Variants in SORCS2 observed in about 807,000 individuals in gnomAD.
The protein encoded by SORCS2 is VPS10 domain-containing receptor SorCS2.
A neutral mutation model predicts 141.6 loss-of-function variants in SORCS2; 100 were observed. The observed-to-expected ratio is 0.71, with a 90% CI of 0.60 to 0.83. SORCS2 has a LOEUF of 0.83. SORCS2 is among the 40% of genes least tolerant of loss of function. SORCS2 has a pLI of 0.00. For synonymous variants in SORCS2, 789 were observed against 676.9 expected (o/e 1.17, Z -2.57); for missense variants, 1,646 against 1,560.2 (o/e 1.05, Z -0.93).
At chr4:7,427,548 C>T (rs1469023720) in intron 2 of SORCS2, among the ~76,000 whole-genome samples, 1 of 152,196 alleles carries the variant, frequency 6.6e-6, no homozygotes, top group Non-Finnish European at 1.5e-5. Flanking sequence ...CCTTTGGCAG[C>T]TGACCATCTG....
intron 26 of SORCS2, among the ~76,000 whole-genome samples, chr4:7,739,924 G>T (rs1017478074): frequency 6.6e-6 from 1 of 152,166 alleles, no homozygotes; most frequent in Non-Finnish European, 1.5e-5. Context: ...CGATCCCCAC[G>T]CAGGTCAGTG....
At chr4:7,320,814 A>C (rs1169635510) in intron 1 of SORCS2, among the ~76,000 whole-genome samples, 4 of 152,262 alleles carry the variant, frequency 2.6e-5, no homozygotes, top group Middle Eastern at 3.4e-3. Flanking sequence ...ACACTCGCTC[A>C]GTTCATGCAT....
At chr4:7,243,533 G>A (rs1346788071) in intron 1 of SORCS2, among the ~76,000 whole-genome samples, 1 of 152,180 alleles carries the variant, frequency 6.6e-6, no homozygotes, top group Non-Finnish European at 1.5e-5. Context: ...TCTCCCGGCA[G>A]AGCCACACGG....
At chr4:7,595,850 C>T (rs1416487144) in intron 3 of SORCS2, among the ~76,000 whole-genome samples, 2 of 152,168 alleles carry the variant, frequency 1.3e-5, no homozygotes, top group African/African-American at 4.8e-5. Context: ...GGCACCGTCA[C>T]CTGAATATTC....
chr4:7,537,700 G>T (rs531925225), intron 3 of SORCS2, among the ~76,000 whole-genome samples: 1 of 152,168 alleles, frequency 6.6e-6, no homozygotes, highest in Non-Finnish European at 1.5e-5. Flanking sequence ...TCTGCTGCAA[G>T]TTTATAGAAA....
At chr4:7,306,156 G>A (rs898185971) in intron 1 of SORCS2, among the ~76,000 whole-genome samples, 4 of 152,214 alleles carry the variant, frequency 2.6e-5, no homozygotes, top group Non-Finnish European at 1.5e-5. Flanking sequence ...TCCCCAGACA[G>A]CTGCATGTGG....
chr4:7,689,201 T>G (rs1026221024), intron 10 of SORCS2, among the ~76,000 whole-genome samples: 1 of 152,016 alleles, frequency 6.6e-6, no homozygotes, highest in Non-Finnish European at 1.5e-5. Flanking sequence ...GAGTCCCTAA[T>G]CTAGATTAGG....
intron 2 of SORCS2, among the ~76,000 whole-genome samples, chr4:7,417,530 G>C (rs1196795073): frequency 6.6e-6 from 1 of 152,194 alleles, no homozygotes; most frequent in Non-Finnish European, 1.5e-5. Context: ...TGCCATTTAT[G>C]AGTGACCTTG....
At chr4:7,513,712 A>G (rs988960533) in intron 2 of SORCS2, among the ~76,000 whole-genome samples, 1 of 152,122 alleles carries the variant, frequency 6.6e-6, no homozygotes, top group Admixed American at 6.5e-5. Context: ...GGCTGGAACA[A>G]TCAATTCTGC....
At chr4:7,489,676 A>C (rs1190414834) in intron 2 of SORCS2, among the ~76,000 whole-genome samples, 3 of 152,064 alleles carry the variant, frequency 2.0e-5, no homozygotes, top group African/African-American at 7.2e-5. Flanking sequence ...AATGCATGTA[A>C]TTTGTGAATC....
At chr4:7,496,690 T>A (rs1425178193) in intron 2 of SORCS2, among the ~76,000 whole-genome samples, 1 of 152,064 alleles carries the variant, frequency 6.6e-6, no homozygotes, top group Admixed American at 6.5e-5. Context: ...TCATTATTCA[T>A]GGGCCACATC....
chr4:7,393,191 A>T (rs1027397769), intron 1 of SORCS2, among the ~76,000 whole-genome samples: 1 of 152,020 alleles, frequency 6.6e-6, no homozygotes, highest in Non-Finnish European at 1.5e-5. Context: ...TTGCTTGGAC[A>T]TTCCTGGCCG....
intron 1 of SORCS2, among the ~76,000 whole-genome samples, chr4:7,294,218 G>A (rs1716800574): frequency 6.6e-6 from 1 of 152,204 alleles, no homozygotes; most frequent in Admixed American, 6.5e-5. Flanking sequence ...GGCAGTGCCG[G>A]GGCGTAGGGG....
rs146277843 is a variant in SORCS2 at position 7,338,903 on chromosome 4, G to A, written c.481-57385G>A. 3.5e-3 allele frequency among the ~76,000 whole-genome samples: 539 copies of A among 152,260 alleles called. 2 individuals are homozygous for A. Among genetic ancestry groups the A allele is most frequent in the African/African-American group, 0.012 (517 of 41,538 alleles). Reference sequence around the variant, plus strand: ...GCAGTACTGTGGAAGGCACGTGGTCGTGCTGGGGCCGTGAAGCCATACCCG... The same window carrying A: ...GCAGTACTGTGGAAGGCACGTGGTCATGCTGGGGCCGTGAAGCCATACCCG... On this transcript the variant is annotated intron_variant, in intron 1 of 26. Transcript: ENST00000507866.
At chr4:7,600,555 A>C (rs1717590149) in intron 3 of SORCS2, among the ~76,000 whole-genome samples, 1 of 151,916 alleles carries the variant, frequency 6.6e-6, no homozygotes. Context: ...CCTGGGTTGC[A>C]CCTGTGCTCC....
chr4:7,437,197 G>C (rs1406680845), intron 2 of SORCS2, among the ~76,000 whole-genome samples: 1 of 152,172 alleles, frequency 6.6e-6, no homozygotes, highest in African/African-American at 2.4e-5. Context: ...TACTTCTGAC[G>C]AAGTGGCTAT....
At chr4:7,353,242 A>G (rs1350626580) in intron 1 of SORCS2, among the ~76,000 whole-genome samples, 2 of 152,202 alleles carry the variant, frequency 1.3e-5, no homozygotes, top group African/African-American at 4.8e-5. Context: ...GGCTAAGGCA[A>G]AAAAGTGGGG....
Position 7,492,323 on chromosome 4 carries a change from G to A in SORCS2, c.549-39207G>A, listed in dbSNP as rs144309229. On this transcript the variant is annotated intron_variant, in intron 2 of 26. Coordinates refer to ENST00000507866, the MANE Select transcript of SORCS2 (RefSeq NM_020777.3). ...AGAAGTTGAACCTATGAGGTCGCGCGGTATTTGTCTTTCTGTGCCTGGCTT... is the reference window on the plus strand; with the variant it reads ...AGAAGTTGAACCTATGAGGTCGCGCAGTATTTGTCTTTCTGTGCCTGGCTT... Among the ~76,000 whole-genome samples, 371 of 152,306 alleles carry A rather than the reference G, an allele frequency of 2.4e-3. 1 individual carries two copies. The highest frequency in any genetic ancestry group is 8.3e-3 in the African/African-American group (345 of 41,562).
chr4:7,713,155 AG>A (rs769349890), intron 15 of SORCS2, among the ~76,000 whole-genome samples: 20 of 152,108 alleles, frequency 1.3e-4, no homozygotes, highest in Non-Finnish European at 2.4e-4. Context: ...CAGGATGTTC[AG>A]ATCTTAGGAA....
Sources: gnomAD v4.1 joint callset for allele counts (sites outside exome capture counted in the v4.1 genomes callset) on GRCh38, gnomAD v4.1.1 for gene constraint, MANE v1.5 for transcripts, NCBI Gene and HGNC (gene_info 2026-07-23, HGNC 2026-07-21) for gene names.